TUBGCP3: variants seen among roughly 807,000 people sequenced by gnomAD.
The protein encoded by TUBGCP3 is tubulin gamma complex component 3, also known as gamma-tubulin complex component 3.
A neutral mutation model predicts 123.1 loss-of-function variants in TUBGCP3; 50 were observed. The observed-to-expected ratio is 0.41, with a 90% CI of 0.32 to 0.51. The LOEUF is 0.51. TUBGCP3 is among the 20% of genes least tolerant of loss of function. TUBGCP3 has a pLI of 0.36. For synonymous variants in TUBGCP3, 405 were observed against 413.9 expected (o/e 0.98, Z 0.26); for missense variants, 882 against 1,127.0 (o/e 0.78, Z 3.11).
chr13:112,527,286 A>C (rs1877212396), intron 12 of TUBGCP3, 88 bp downstream of exon 12: 1 of 1,040,066 alleles, frequency 9.6e-7, no homozygotes, highest in South Asian at 1.6e-5. Flanking sequence ...AAACGCATGA[A>C]ATTTTAACTG....
chr13:112,540,408 A>G (rs1878420174), intron 11 of TUBGCP3, among the ~76,000 whole-genome samples: 2 of 141,482 alleles, frequency 1.4e-5, no homozygotes, highest in Non-Finnish European at 3.1e-5. Context: ...GTAGTAGCCT[A>G]TGAGCATTCA....
chr13:112,545,313 T>C lies in TUBGCP3; in HGVS notation c.1335+386A>G, dbSNP rs372443885. The C allele has an allele frequency of 2.4e-5, 5 of 206,706 alleles. No homozygotes were observed. The South Asian group carries it at 4.0e-4, about 17-fold the overall frequency. The allele number at this position is 206,706 out of a possible 1,614,324, so 12.8% of individuals were successfully genotyped here. On this transcript the variant is annotated intron_variant, in intron 11 of 21. Transcript: ENST00000261965. This position sits in a 1 kb window ranked among gnomAD's most constrained non-coding sequence, Gnocchi z 4.1. The stretch of plus-strand genomic sequence containing the variant: ...TCAATAGCTACATACACAACTAACT[T>C]GTTTCATTAAGCTGTTAGCACCAAA...
In TUBGCP3 at chr13:112,555,734, A is replaced by T. The variant is rs991413681; in HGVS notation, c.721+318T>A. On this transcript the variant is annotated intron_variant, in intron 6 of 21. Transcript: ENST00000261965. ...CTAACCCAGCCTTAAAGACTTTCCCAGGGAAACGGCAGGATGAAAACAGAC... is the reference window on the plus strand; with the variant it reads ...CTAACCCAGCCTTAAAGACTTTCCCTGGGAAACGGCAGGATGAAAACAGAC... Among the ~76,000 whole-genome samples the T allele has an allele frequency of 2.6e-5, 4 of 152,192 alleles. No homozygotes were observed. The East Asian group carries it at 7.7e-4, about 29-fold the overall frequency.
In TUBGCP3 at chr13:112,545,601, T is replaced by C. The variant is rs1021979153; in HGVS notation, c.1335+98A>G. The C allele has an allele frequency of 1.4e-6, 2 of 1,412,736 alleles. No homozygotes were observed. Among genetic ancestry groups the C allele is most frequent in the African/African-American group, 2.8e-5 (2 of 70,904 alleles). 87.5% of individuals were successfully genotyped at this position (1,412,736 alleles called of 1,614,324 possible). On this transcript the variant is annotated intron_variant, in intron 11 of 21. Coordinates refer to ENST00000261965, the MANE Select transcript of TUBGCP3 (RefSeq NM_006322.6). This position sits in a 1 kb window ranked among gnomAD's most constrained non-coding sequence, Gnocchi z 4.1. ...AATGGAAGTGCAGTTGCATTCCTGT[T>C]AGGAGAACATGGTAATCATGAGGGG... is the stretch of plus-strand genomic sequence containing the variant.
chr13:112,510,915 G>A (rs1400970321), intron 17 of TUBGCP3, among the ~76,000 whole-genome samples: 3 of 152,096 alleles, frequency 2.0e-5, no homozygotes, highest in Admixed American at 2.0e-4. Flanking sequence ...GCTCCTTAGT[G>A]AAACATATGA....
At chr13:112,575,417 A>G (rs1259204896) in intron 1 of TUBGCP3, among the ~76,000 whole-genome samples, 1 of 152,244 alleles carries the variant, frequency 6.6e-6, no homozygotes, top group Non-Finnish European at 1.5e-5. Flanking sequence ...AGCAATTCTA[A>G]ATGTGAACAC....
At chr13:112,552,346 T>C (rs190888218) in intron 8 of TUBGCP3, among the ~76,000 whole-genome samples, 33 of 152,334 alleles carry the variant, frequency 2.2e-4, no homozygotes, top group African/African-American at 7.7e-4. Flanking sequence ...GATAAAACAC[T>C]CCCTTCGGGA....
chr13:112,558,295 G>A lies in TUBGCP3; in HGVS notation c.449C>T (p.Ser150Leu). Residue 150 changes from serine (S) to leucine (L), a missense_variant, in exon 5 of 22, where the codon TCA (serine) becomes TTA (leucine). Physicochemically the swap from Ser to Leu is moderately radical, Grantham distance 145 (BLOSUM62 -2). Transcript: ENST00000261965. ...PLSYQDRSAQ[S>L]AQSSGSVGSS... ...GCCCACGCTGCCGGAGCTCTGGGCT[G>A]ACTGGGCACTCCGATCTTGGTAGCT... The A allele has an allele frequency of 1.2e-6, 2 of 1,613,654 alleles. No individual in the cohort carries two copies. The highest frequency in any genetic ancestry group is 1.7e-6 in the Non-Finnish European group (2 of 1,180,036).
chr13:112,497,561 G>A (rs1880606716), intron 20 of TUBGCP3, among the ~76,000 whole-genome samples: 1 of 152,208 alleles, frequency 6.6e-6, no homozygotes, highest in Non-Finnish European at 1.5e-5. Flanking sequence ...AATCCCAAGA[G>A]TTAGTACCAT....
intron 21 of TUBGCP3, among the ~76,000 whole-genome samples, chr13:112,488,955 A>AT: frequency 8.4e-6 from 1 of 119,690 alleles, no homozygotes; most frequent in East Asian, 2.7e-4. Flanking sequence ...AGGTCCCCAC[A>AT]CCCACCACAG....
At position 112,573,278 on chromosome 13, in the gene TUBGCP3, G is replaced by GTT. The variant is rs574737770; in HGVS notation, c.77-4021_77-4020dup. Among the ~76,000 whole-genome samples, 23 of 151,842 alleles carry GTT rather than the reference G, an allele frequency of 1.5e-4. No individual in the cohort carries two copies. In the South Asian group the frequency reaches 4.4e-3, roughly 29 times the overall value. On this transcript the variant is annotated intron_variant, in intron 1 of 21. Coordinates refer to ENST00000261965, the MANE Select transcript of TUBGCP3 (RefSeq NM_006322.6). The stretch of plus-strand genomic sequence containing the variant: ...GAATATTAAAAGTATGAAGGCAGAT[G>GTT]TTTTTTAAAATAAGTAGAAAGCTTG...
At chr13:112,574,371 G>C (rs1881649140) in intron 1 of TUBGCP3, among the ~76,000 whole-genome samples, 1 of 144,634 alleles carries the variant, frequency 6.9e-6, no homozygotes, top group Non-Finnish European at 1.5e-5. Flanking sequence ...TGGGCACTCT[G>C]AGCTCAGTGT....
Position 112,519,934 on chromosome 13 carries a change from C to T in TUBGCP3, c.1833G>A (p.Gln611=). 6.2e-7 allele frequency: 1 copy of T among 1,614,052 alleles called. No homozygotes were observed. Among genetic ancestry groups the T allele is most frequent in the Non-Finnish European group, 8.5e-7 (1 of 1,179,886 alleles). The change falls in exon 15 of 22, where the codon CAG becomes CAA. Residue 611 remains glutamine (Q), a synonymous_variant. Transcript: ENST00000261965. This position sits in a 1 kb window ranked among gnomAD's most constrained non-coding sequence, Gnocchi z 6.2. ...TTCGCAGGATCTCAGGACTGTCAAA[C>T]TGTGCGTTGGTGGCTCTGACAGCGG... ...LETAVRATNA[Q]FDSPEILRRL... is the part of the protein sequence containing the mutation.
At chr13:112,528,782 C>G (rs1315397620) in intron 11 of TUBGCP3, among the ~76,000 whole-genome samples, 1 of 152,074 alleles carries the variant, frequency 6.6e-6, no homozygotes, top group Admixed American at 6.5e-5. Context: ...TCTTCCCATT[C>G]CTAGATTATG....
chr13:112,545,780 G>GA lies in TUBGCP3; in HGVS notation c.1253dup (p.Leu419ProfsTer18). 6.2e-7 allele frequency: 1 copy of GA among 1,614,196 alleles called. No homozygotes were observed. The highest frequency in any genetic ancestry group is 1.1e-5 in the South Asian group (1 of 91,082). On this transcript the variant is annotated frameshift_variant, in exon 11 of 22. Transcript: ENST00000261965. LOFTEE classifies it high-confidence loss of function. The surrounding 1 kb of genome is among the most constrained non-coding windows in gnomAD (Gnocchi z 4.1). ...AAACAGGATGAGACACGAGGCTGAG[G>GA]ATGTGCTGCACCAGAGACCGCATGT...
chr13:112,577,225 A>G (rs1881892225), intron 1 of TUBGCP3, among the ~76,000 whole-genome samples: 1 of 152,196 alleles, frequency 6.6e-6, no homozygotes, highest in South Asian at 2.1e-4. Context: ...ATACAGGCAG[A>G]AAAAAAGAGT....
In TUBGCP3 at chr13:112,508,401, A is replaced by C. The variant is rs960234713; in HGVS notation, c.2087-3687T>G. Among the ~76,000 whole-genome samples, 3 of 152,092 alleles carry C rather than the reference A, an allele frequency of 2.0e-5. No homozygotes were observed. The highest frequency in any genetic ancestry group is 4.4e-5 in the Non-Finnish European group (3 of 68,026). On this transcript the variant is annotated intron_variant, in intron 17 of 21. Coordinates refer to ENST00000261965, the MANE Select transcript of TUBGCP3 (RefSeq NM_006322.6). This position sits in a 1 kb window ranked among gnomAD's most constrained non-coding sequence, Gnocchi z 4.2. ...CCAACTCTTCTGTAGTATATCTTTA[A>C]ATTTTCAGATGCCATATGGCAGCCC...
chr13:112,516,402 G>A, intron 17 of TUBGCP3, 38 bp downstream of exon 17: 1 of 1,532,344 alleles, frequency 6.5e-7, no homozygotes, highest in Admixed American at 2.0e-5. Flanking sequence ...GAGGCCGCTG[G>A]GAGTGTGTGC....
At chr13:112,505,736 G>A (rs1355883983) in intron 17 of TUBGCP3, among the ~76,000 whole-genome samples, 1 of 152,190 alleles carries the variant, frequency 6.6e-6, no homozygotes, top group Admixed American at 6.5e-5. Flanking sequence ...TTAAACAGAC[G>A]ATCAACTTAT....
Sources: gnomAD v4.1 joint callset for allele counts (sites outside exome capture counted in the v4.1 genomes callset) on GRCh38, gnomAD v4.1.1 for gene constraint, Gnocchi (gnomAD v3.1) non-coding constraint, MANE v1.5 for transcripts, NCBI Gene and HGNC (gene_info 2026-07-23, HGNC 2026-07-21) for gene names.